The following DPH6 variants were observed in gnomAD, a reference collection of about 807,000 sequenced individuals.
DPH6 encodes diphthamine biosynthesis 6.
DPH6 carries 33 observed loss-of-function variants against 38.2 expected under a neutral mutation model. The observed-to-expected ratio is 0.86, with a 90% CI of 0.65 to 1.15. The LOEUF is 1.15. Ranked by LOEUF, DPH6 falls within the 50% of genes most tolerant of loss-of-function variation. DPH6 has a pLI of 0.00. For synonymous variants in DPH6, 108 were observed against 103.0 expected (o/e 1.05, Z -0.30); for missense variants, 325 against 320.0 (o/e 1.02, Z -0.12).
At chr15:35,335,778 T>C (rs62004416) in intron 3 of DPH6, among the ~76,000 whole-genome samples, 264 of 152,350 alleles carry the variant, frequency 1.7e-3, no homozygotes, top group Non-Finnish European at 3.3e-3. Context: ...GATGTTTTGG[T>C]TACTGTGGTC....
chr15:35,527,412 A>G (rs995705009), intron 3 of DPH6, among the ~76,000 whole-genome samples: 5 of 152,204 alleles, frequency 3.3e-5, no homozygotes, highest in African/African-American at 1.2e-4. Context: ...AGCTGTATGG[A>G]GTCTCATAGG....
At chr15:35,245,307 C>T (rs1241644090) in intron 3 of DPH6, among the ~76,000 whole-genome samples, 3 of 137,568 alleles carry the variant, frequency 2.2e-5, no homozygotes, top group Non-Finnish European at 4.6e-5. Flanking sequence ...GGTGCCATCT[C>T]GGCTCACTGC....
chr15:35,450,644 A>T lies in DPH6; in HGVS notation c.505+41T>A. ...ACTTATTAGTGAACTGAGATCATCT[A>T]TGTGGCAACAAACAGCTCCCTTGAT... On this transcript the variant is annotated intron_variant, in intron 5 of 8. Transcript: ENST00000256538. 2.0e-6 allele frequency: 3 copies of T among 1,471,154 alleles called. No individual in the cohort carries two copies. In the South Asian group the frequency reaches 3.5e-5, roughly 17 times the overall value. The allele number at this position is 1,471,154 out of a possible 1,614,324, so 91.1% of individuals were successfully genotyped here.
At chr15:35,153,837 G>C in the DPH6 span, among the ~76,000 whole-genome samples, 1 of 152,152 alleles carries the variant, frequency 6.6e-6, no homozygotes, top group Admixed American at 6.6e-5. Flanking sequence ...GCTTGAGGTA[G>C]GGGATTTTGT....
chr15:35,434,154 T>A (rs2053666489), intron 5 of DPH6, among the ~76,000 whole-genome samples: 1 of 151,912 alleles, frequency 6.6e-6, no homozygotes, highest in Non-Finnish European at 1.5e-5. Flanking sequence ...CCAGTTTGAG[T>A]CAAAGGTCAG....
At chr15:35,353,566 A>G (rs887932890) in intron 3 of DPH6, among the ~76,000 whole-genome samples, 3 of 152,152 alleles carry the variant, frequency 2.0e-5, no homozygotes, top group Admixed American at 6.5e-5. Flanking sequence ...TTTTTGTCAG[A>G]TTTGTCAAAG....
intron 3 of DPH6, among the ~76,000 whole-genome samples, chr15:35,358,413 T>C (rs1253415134): frequency 6.6e-6 from 1 of 152,192 alleles, no homozygotes; most frequent in African/African-American, 2.4e-5. Context: ...TTTGGAGCCA[T>C]TGCTGGTTAA....
At chr15:35,363,138 T>C (rs995464449) in intron 3 of DPH6, among the ~76,000 whole-genome samples, 4 of 152,202 alleles carry the variant, frequency 2.6e-5, no homozygotes, top group Non-Finnish European at 5.9e-5. Context: ...TGTGTTTCTA[T>C]GTTTGTAGGG....
chr15:35,477,684 T>G (rs1018208077), intron 3 of DPH6, among the ~76,000 whole-genome samples: 7 of 151,914 alleles, frequency 4.6e-5, no homozygotes, highest in Non-Finnish European at 1.0e-4. Context: ...ATTTTCTATC[T>G]CTAAAATGTT....
At chr15:35,387,638 C>T (rs2052986454) in intron 6 of DPH6, among the ~76,000 whole-genome samples, 4 of 152,074 alleles carry the variant, frequency 2.6e-5, no homozygotes, top group Admixed American at 1.3e-4. Context: ...ATTTGGCTCT[C>T]TGTTTGTCTG....
intron 3 of DPH6, among the ~76,000 whole-genome samples, chr15:35,228,575 G>A (rs999436438): frequency 2.0e-5 from 3 of 152,134 alleles, no homozygotes; most frequent in African/African-American, 2.4e-5. Flanking sequence ...CCACAGACAC[G>A]TGCCACTATG....
chr15:35,256,295 C>A (rs962324945), intron 3 of DPH6, among the ~76,000 whole-genome samples: 2 of 152,184 alleles, frequency 1.3e-5, no homozygotes, highest in Non-Finnish European at 2.9e-5. Context: ...TCTCCTTAGG[C>A]TCCTTTGACG....
intron 3 of DPH6, among the ~76,000 whole-genome samples, chr15:35,470,345 A>T (rs957346247): frequency 6.6e-6 from 1 of 152,190 alleles, no homozygotes. Context: ...GCCAAGTATC[A>T]CAAAGAGGTC....
chr15:35,175,948 T>C, the DPH6 span, among the ~76,000 whole-genome samples: 1 of 152,202 alleles, frequency 6.6e-6, no homozygotes, highest in Non-Finnish European at 1.5e-5. Context: ...TCAGGTCAAG[T>C]CAAACGTGGA....
chr15:35,365,814 A>G, intron 3 of DPH6: 1 of 985,266 alleles, frequency 1.0e-6, no homozygotes, highest in Non-Finnish European at 1.2e-6. Flanking sequence ...TGATTTATTA[A>G]TCTGCTCCAG....
chr15:35,474,415 T>C (rs907509937), intron 3 of DPH6, among the ~76,000 whole-genome samples: 1 of 152,154 alleles, frequency 6.6e-6, no homozygotes, highest in Non-Finnish European at 1.5e-5. Context: ...TTCTTCACTC[T>C]TTTTTGCCCT....
chr15:35,343,113 C>T (rs1261723592), intron 3 of DPH6, among the ~76,000 whole-genome samples: 3 of 152,070 alleles, frequency 2.0e-5, no homozygotes, highest in African/African-American at 7.2e-5. Flanking sequence ...ATAATAATTC[C>T]TTAATATTAT....
the DPH6 span, among the ~76,000 whole-genome samples, chr15:35,160,467 A>G: frequency 6.6e-6 from 1 of 151,800 alleles, no homozygotes; most frequent in African/African-American, 2.4e-5. Context: ...TTTTAGGTTT[A>G]GGGGTACATT....
At chr15:35,496,572 A>ATATATATATATATATATATATG (rs1411907446) in intron 3 of DPH6, among the ~76,000 whole-genome samples, 1 of 115,348 alleles carries the variant, frequency 8.7e-6, no homozygotes, top group Non-Finnish European at 1.7e-5. Flanking sequence ...AAAAAAATAT[A>ATATATATATATATATATATATG]TATATATATA....
Sources: gnomAD v4.1 joint callset for allele counts (sites outside exome capture counted in the v4.1 genomes callset) on GRCh38, gnomAD v4.1.1 for gene constraint, MANE v1.5 for transcripts, NCBI Gene and HGNC (gene_info 2026-07-23, HGNC 2026-07-21) for gene names.